The following FOXM1 variants were observed in gnomAD, a reference collection of about 807,000 sequenced individuals.
FOXM1 encodes forkhead box protein M1.
In FOXM1, 25 loss-of-function variants were observed where a neutral mutation model predicts 63.6. The ratio of observed to expected loss-of-function variants is 0.39; its 90% confidence interval spans 0.29 to 0.55. The LOEUF (loss-of-function observed/expected upper bound fraction) is 0.55, where lower values mean the gene tolerates loss of function less well. Among genes scored for constraint, FOXM1 ranks in the 20% least tolerant of loss-of-function variants. FOXM1 has a pLI of 0.60. For synonymous variants in FOXM1, 387 were observed against 376.9 expected (o/e 1.03, Z -0.31); for missense variants, 879 against 958.7 (o/e 0.92, Z 1.10).
At position 2,858,757 on chromosome 12, in the gene FOXM1, C is replaced by G; in HGVS notation, c.2173G>C (p.Asp725His). 1 of 1,614,194 alleles carries G rather than the reference C, an allele frequency of 6.2e-7. No individual in the cohort carries two copies. The highest frequency in any genetic ancestry group is 8.5e-7 in the Non-Finnish European group (1 of 1,180,030). The change falls in exon 9 of 9, where the codon GAC (aspartate) becomes CAC (histidine). Residue 725 changes from aspartate (D) to histidine (H), a missense_variant. By Grantham distance (81) the Asp-to-His change is moderately conservative (BLOSUM62 -1). Coordinates refer to ENST00000359843, the MANE Select transcript of FOXM1 (RefSeq NM_021953.4). The part of the protein sequence containing the change: ...NRSLTEGLVL[D>H]TMNDSLSKIL... Reference sequence around the variant, plus strand: ...TTGCTGAGGCTGTCATTCATTGTGTCCAGGACCAGGCCTTCTGTCAGAGAA... The same window carrying G: ...TTGCTGAGGCTGTCATTCATTGTGTGCAGGACCAGGCCTTCTGTCAGAGAA...
Position 2,874,988 on chromosome 12 carries a change from ATTT to A in FOXM1, c.-47-466_-47-464del, listed in dbSNP as rs556937133. Among the ~76,000 whole-genome samples, 4 of 127,136 alleles carry A rather than the reference ATTT, an allele frequency of 3.1e-5. No homozygotes were observed. Among genetic ancestry groups the A allele is most frequent in the Non-Finnish European group, 3.3e-5 (2 of 61,116 alleles). The allele number at this position is 127,136 out of a possible 152,430, so 83.4% of individuals were successfully genotyped here. ...AATCCATTCAAGACAAAGGATTTTA[ATTT>A]TTTTTTTTTTTTTTTTTTTGAGACA... On this transcript the variant is annotated intron_variant, in intron 1 of 8. Coordinates refer to ENST00000359843, the MANE Select transcript of FOXM1 (RefSeq NM_021953.4). This position sits in a 1 kb window ranked among gnomAD's most constrained non-coding sequence, Gnocchi z 4.3.
Position 2,858,949 on chromosome 12 carries a change from T to C in FOXM1, c.1981A>G (p.Thr661Ala). Residue 661 changes from threonine (T) to alanine (A), a missense_variant, in exon 9 of 9, where the codon ACC becomes GCC. This residue lies in a region of FOXM1 where 486 missense variants were observed against 453.5 expected (regional missense o/e 1.07). Transcript: ENST00000359843. ...PDPLGLMDLS[T>A]TPLQSAPPLE... Reference sequence around the variant, plus strand: ...GGGGGAGCACTTTGCAAGGGAGTGGTGCTGAGATCCATCAGCCCCAGGGGG... The same window carrying C: ...GGGGGAGCACTTTGCAAGGGAGTGGCGCTGAGATCCATCAGCCCCAGGGGG... The C allele has an allele frequency of 6.2e-7, 1 of 1,613,530 alleles. No homozygotes were observed. The highest frequency in any genetic ancestry group is 8.5e-7 in the Non-Finnish European group (1 of 1,179,894).
intron 3 of FOXM1, among the ~76,000 whole-genome samples, chr12:2,870,042 G>A (rs190626979): frequency 6.2e-4 from 93 of 150,140 alleles, no homozygotes; most frequent in Non-Finnish European, 1.2e-3. Context: ...CCAGGTTGGA[G>A]TGTAATGGCA....
intron 8 of FOXM1, among the ~76,000 whole-genome samples, chr12:2,862,791 C>G (rs1565466469): frequency 6.6e-6 from 1 of 151,936 alleles, no homozygotes; most frequent in Non-Finnish European, 1.5e-5. Context: ...ATCCTCCTGC[C>G]TTGGCCTCCC....
chr12:2,872,902 A>C lies in FOXM1; in HGVS notation c.503-655T>G, dbSNP rs2098135565. On this transcript the variant is annotated intron_variant, in intron 2 of 8. Transcript: ENST00000359843. This position sits in a 1 kb window ranked among gnomAD's most constrained non-coding sequence, Gnocchi z 4.0. ...CCCCATCTCTGCAAAAAGAAAAAAA[A>C]AATTAACTGGGAATGATGGTGCATG... Among the ~76,000 whole-genome samples, 1 of 152,084 alleles carries C rather than the reference A, an allele frequency of 6.6e-6. No homozygotes were observed. The highest frequency in any genetic ancestry group is 1.5e-5 in the Non-Finnish European group (1 of 68,012).
chr12:2,875,296 C>A (rs1427984544), intron 1 of FOXM1, among the ~76,000 whole-genome samples: 1 of 151,962 alleles, frequency 6.6e-6, no homozygotes, highest in Non-Finnish European at 1.5e-5. Context: ...TCTGGCCAAG[C>A]CTTTTGATTT....
chr12:2,866,668 C>G (rs906222947), intron 4 of FOXM1, 147 bp from the exon 5 acceptor site: 2 of 693,578 alleles, frequency 2.9e-6, no homozygotes, highest in South Asian at 5.8e-5. Context: ...CTTGGCAACT[C>G]TCCTGACACT....
At chr12:2,873,164 G>A (rs1219639159) in intron 2 of FOXM1, among the ~76,000 whole-genome samples, 1 of 149,004 alleles carries the variant, frequency 6.7e-6, no homozygotes, top group African/African-American at 2.6e-5. Context: ...TTGGGAGGCC[G>A]AGGTGGGCGA....
chr12:2,871,133 C>A (rs2098132619), intron 3 of FOXM1, among the ~76,000 whole-genome samples: 2 of 151,542 alleles, frequency 1.3e-5, no homozygotes, highest in South Asian at 4.2e-4. Context: ...ATCATTTGTA[C>A]ACTAAACCCC....
At chr12:2,861,686 AAGAG>A (rs773441862) in intron 8 of FOXM1, among the ~76,000 whole-genome samples, 5 of 152,240 alleles carry the variant, frequency 3.3e-5, no homozygotes, top group Non-Finnish European at 5.9e-5. Context: ...AAGCACTAGT[AAGAG>A]AGATCCTTGC....
rs1398552130 is a variant in FOXM1, at chr12:2,857,877, G to A, written c.*761C>T. 1 of 152,284 alleles carries A rather than the reference G, an allele frequency of 6.6e-6. No homozygotes were observed. The highest frequency in any genetic ancestry group is 1.5e-5 in the Non-Finnish European group (1 of 68,110). 9.4% of individuals were successfully genotyped at this position (152,284 alleles called of 1,614,324 possible). ...TGCCAGTCTCCCTGGTATGATTGGG[G>A]ACATTATCAGAGAAACATCTAATAG... On this transcript the variant is annotated 3_prime_UTR_variant, in exon 9 of 9. Transcript: ENST00000359843.
At chr12:2,871,218 A>C (rs1211661084) in intron 3 of FOXM1, among the ~76,000 whole-genome samples, 1 of 152,212 alleles carries the variant, frequency 6.6e-6, no homozygotes, top group Admixed American at 6.6e-5. Flanking sequence ...TGAGAAAAAA[A>C]AGAAAATAAA....
In FOXM1 at chr12:2,874,847, A is replaced by G. The variant is rs2098139343; in HGVS notation, c.-47-322T>C. On this transcript the variant is annotated intron_variant, in intron 1 of 8. Transcript: ENST00000359843. The surrounding 1 kb of genome is among the most constrained non-coding windows in gnomAD (Gnocchi z 4.3). ...GCTACAAATATGTGGAAATCTCTATAATTGCCTACTATAATATAAATAGAT... is the reference window on the plus strand; with the variant it reads ...GCTACAAATATGTGGAAATCTCTATGATTGCCTACTATAATATAAATAGAT... 6.6e-6 allele frequency among the ~76,000 whole-genome samples: 1 copy of G among 152,170 alleles called. No individual in the cohort carries two copies. Among genetic ancestry groups the G allele is most frequent in the Non-Finnish European group, 1.5e-5 (1 of 68,040 alleles).
chr12:2,864,672 C>T lies in FOXM1; in HGVS notation c.1090+11G>A, dbSNP rs763565934. ...AAGGACCAGGCCCAAGGCCCACTCT[C>T]CCATACTAACGTGCGCCCAGGGGGA... On this transcript the variant is annotated intron_variant, in intron 7 of 8. Transcript: ENST00000359843. This position sits in a 1 kb window ranked among gnomAD's most constrained non-coding sequence, Gnocchi z 5.1. 6.2e-7 allele frequency: 1 copy of T among 1,613,936 alleles called. No homozygotes were observed.
At chr12:2,865,492 A>G in intron 5 of FOXM1, 93 bp from the exon 6 acceptor site, 1 of 1,043,018 alleles carries the variant, frequency 9.6e-7, no homozygotes, top group Non-Finnish European at 1.4e-6. Flanking sequence ...CTTATTCCTG[A>G]CTGATGACAA....
Position 2,864,159 on chromosome 12 carries a change from A to T in FOXM1, c.1266+161T>A. On this transcript the variant is annotated intron_variant, in intron 8 of 8. Coordinates refer to ENST00000359843, the MANE Select transcript of FOXM1 (RefSeq NM_021953.4). This position sits in a 1 kb window ranked among gnomAD's most constrained non-coding sequence, Gnocchi z 5.1. ...TACATTGTAATCCAAATACCTTTTTAGCTCTTCTAATGCTATTACACTTCC... is the reference window on the plus strand; with the variant it reads ...TACATTGTAATCCAAATACCTTTTTTGCTCTTCTAATGCTATTACACTTCC... The T allele has an allele frequency of 1.5e-6, 1 of 655,838 alleles. No individual in the cohort carries two copies. Among genetic ancestry groups the T allele is most frequent in the Non-Finnish European group, 2.6e-6 (1 of 377,670 alleles). 40.6% of individuals were successfully genotyped at this position (655,838 alleles called of 1,614,324 possible). A position where few individuals can be genotyped will look rare whatever the true frequency, so the allele number is the denominator to read the frequency against.
chr12:2,866,556 C>A (rs1299937598), intron 4 of FOXM1, 35 bp from the exon 5 acceptor site: 2 of 1,484,722 alleles, frequency 1.3e-6, no homozygotes, highest in Middle Eastern at 3.6e-4. Flanking sequence ...TTATCAGCTA[C>A]TTTAGATTCA....
chr12:2,867,536 C>T (rs1168223473), intron 4 of FOXM1, among the ~76,000 whole-genome samples: 1 of 151,870 alleles, frequency 6.6e-6, no homozygotes, highest in Admixed American at 6.6e-5. Flanking sequence ...GTGGCGGGCG[C>T]CTGTAGTCCC....
Position 2,858,772 on chromosome 12 carries a change from C to G in FOXM1, c.2158G>C (p.Glu720Gln), listed in dbSNP as rs1228406144. The G allele has an allele frequency of 1.9e-6, 3 of 1,614,144 alleles. No individual in the cohort carries two copies. The highest frequency in any genetic ancestry group is 2.5e-6 in the Non-Finnish European group (3 of 1,180,062). The change falls in exon 9 of 9, where the codon GAA (glutamate) becomes CAA (glutamine). Residue 720 changes from glutamate to glutamine, a missense_variant. Physicochemically the swap from Glu to Gln is conservative, Grantham distance 29. Transcript: ENST00000359843. ...TTCATTGTGTCCAGGACCAGGCCTT[C>G]TGTCAGAGAACGATTGGCTGCAAGG... ...SGLAANRSLT[E>Q]GLVLDTMNDS...
Sources: allele counts gnomAD v4.1 joint callset (sites outside exome capture counted in the v4.1 genomes callset), GRCh38; gene constraint gnomAD v4.1.1; regional missense constraint gnomAD v4.1.1; non-coding constraint Gnocchi (gnomAD v3.1); transcripts MANE v1.5; gene names NCBI Gene and HGNC (gene_info 2026-07-23, HGNC 2026-07-21).